The following PER3 variants were observed in gnomAD, a reference collection of about 807,000 sequenced individuals.
PER3 encodes the protein period circadian regulator 3.
PER3 carries 107 observed loss-of-function variants against 127.2 expected under a neutral mutation model. The observed-to-expected ratio is 0.84, with a 90% confidence interval of 0.72 to 0.99. The LOEUF is 0.99. Among genes scored for constraint, PER3 ranks in the 50% least tolerant of loss-of-function variants. The pLI, the probability that PER3 is intolerant of heterozygous loss-of-function variation, is 0.00. For missense variants in PER3, 1,560 were observed against 1,525.8 expected (o/e 1.02, Z -0.37); for synonymous variants, 618 against 585.8 (o/e 1.05, Z -0.79).
intron 16 of PER3, among the ~76,000 whole-genome samples, chr1:7,825,420 TA>T (rs2097296975): frequency 6.6e-6 from 1 of 152,150 alleles, no homozygotes; most frequent in South Asian, 2.1e-4. Flanking sequence ...GCTATGCATA[TA>T]AAATGGAACT....
At chr1:7,810,677 C>T in intron 13 of PER3, 89 bp downstream of exon 13, 8 of 1,279,292 alleles carry the variant, frequency 6.3e-6, no homozygotes, top group Non-Finnish European at 8.6e-6. Context: ...AGCATAAAGT[C>T]ATGACCCTGT....
At chr1:7,790,607 C>T (rs187442635) in intron 5 of PER3, among the ~76,000 whole-genome samples, 3 of 152,298 alleles carry the variant, frequency 2.0e-5, no homozygotes, top group African/African-American at 7.2e-5. Flanking sequence ...TCATGCTTTT[C>T]CAACAGTCCC....
intron 13 of PER3, among the ~76,000 whole-genome samples, chr1:7,816,107 A>C (rs2097250035): frequency 6.6e-6 from 1 of 151,814 alleles, no homozygotes; most frequent in South Asian, 2.1e-4. Context: ...CTGAGTGTTT[A>C]TATGGAAAAA....
chr1:7,806,812 A>AAAT (rs61141023), intron 10 of PER3, among the ~76,000 whole-genome samples: 313 of 60,624 alleles, frequency 5.2e-3, no homozygotes, highest in African/African-American at 0.012. Flanking sequence ...AAAAAAAAAA[A>AAAT]ATATATATAT....
intron 10 of PER3, 116 bp from the exon 11 acceptor site, chr1:7,808,777 T>C: frequency 1.5e-6 from 1 of 660,876 alleles, no homozygotes; most frequent in Non-Finnish European, 2.7e-6. Flanking sequence ...ATTTTTTCTT[T>C]GGAGTCAAAG....
Position 7,810,453 on chromosome 1 carries a change from G to A in PER3, c.1387G>A (p.Val463Ile), listed in dbSNP as rs2097214421. The A allele has an allele frequency of 6.2e-7, 1 of 1,609,772 alleles. No individual in the cohort carries two copies. The highest frequency in any genetic ancestry group is 1.1e-5 in the South Asian group (1 of 90,556). Reference sequence around the variant, plus strand: ...TTTCCCTAAGATGACCTTGCAGCAGGTCTATGCCAGTGTGAACAAAATTAA... The same window carrying A: ...TTTCCCTAAGATGACCTTGCAGCAGATCTATGCCAGTGTGAACAAAATTAA... ...TKAEQMTLQQ[V>I]YASVNKIKNL... The change falls in exon 13 of 22, where the codon GTC becomes ATC. Residue 463 changes from valine (V) to isoleucine (I), a missense_variant. Transcript: ENST00000377532.
In PER3 at chr1:7,826,468, C is replaced by T. The variant is rs2097301945; in HGVS notation, c.1958-12C>T. The stretch of plus-strand genomic sequence containing the variant: ...TAGGAATTAAAATTAAATATGTCTT[C>T]TTCCACCTCAGCCAGGGATGCTACC... On this transcript the variant is annotated splice_polypyrimidine_tract_variant and intron_variant, in intron 16 of 21. Coordinates refer to ENST00000377532, the MANE Select transcript of PER3 (RefSeq NM_001377275.1). This position sits in a 1 kb window ranked among gnomAD's most constrained non-coding sequence, Gnocchi z 4.2. 6.8e-7 allele frequency: 1 copy of T among 1,472,666 alleles called. No individual in the cohort carries two copies. The highest frequency in any genetic ancestry group is 9.5e-7 in the Non-Finnish European group (1 of 1,051,552). 91.2% of individuals were successfully genotyped at this position (1,472,666 alleles called of 1,614,324 possible).
chr1:7,800,963 A>G, intron 7 of PER3, 150 bp from the exon 8 acceptor site: 1 of 616,936 alleles, frequency 1.6e-6, no homozygotes, highest in Non-Finnish European at 2.9e-6. Flanking sequence ...ATTTAACTGT[A>G]GCTTTGGCTG....
chr1:7,787,607 C>T, intron 4 of PER3: 1 of 300,162 alleles, frequency 3.3e-6, no homozygotes, highest in Non-Finnish European at 6.5e-6. Context: ...AAATAAGTTT[C>T]ATTTATGTGT....
Position 7,844,034 on chromosome 1 carries a change from T to G in PER3, c.*1279T>G. 1 of 1,016,110 alleles carries G rather than the reference T, an allele frequency of 9.8e-7. No homozygotes were observed. Among genetic ancestry groups the G allele is most frequent in the Non-Finnish European group, 1.2e-6 (1 of 805,646 alleles). The allele number at this position is 1,016,110 out of a possible 1,614,324, so 62.9% of individuals were successfully genotyped here. A position where few individuals can be genotyped will look rare whatever the true frequency, so the allele number is the denominator to read the frequency against. ...ATATAACTTGCAACAAACTAATTTATTTTTTTTTCCTTTTTTTGTTTTTGG... is the reference window on the plus strand; with the variant it reads ...ATATAACTTGCAACAAACTAATTTAGTTTTTTTTCCTTTTTTTGTTTTTGG... On this transcript the variant is annotated 3_prime_UTR_variant, in exon 22 of 22. Coordinates refer to ENST00000377532, the MANE Select transcript of PER3 (RefSeq NM_001377275.1).
intron 19 of PER3, among the ~76,000 whole-genome samples, chr1:7,832,776 T>C (rs573656761): frequency 6.6e-6 from 1 of 151,790 alleles, no homozygotes; most frequent in African/African-American, 2.4e-5. Context: ...TGAATTGAGA[T>C]TTTTCCCCCC....
intron 15 of PER3, 106 bp downstream of exon 15, chr1:7,820,345 AT>A: frequency 7.0e-7 from 1 of 1,419,378 alleles, no homozygotes; most frequent in South Asian, 1.4e-5. Context: ...CTGGTTTCAT[AT>A]TACCTCTTTA....
chr1:7,796,788 T>C (rs1273641125), intron 6 of PER3, among the ~76,000 whole-genome samples: 1 of 152,218 alleles, frequency 6.6e-6, no homozygotes. Flanking sequence ...TTTTTTACAC[T>C]TGATCTTAGC....
intron 16 of PER3, among the ~76,000 whole-genome samples, chr1:7,824,405 G>GT (rs2097291880): frequency 6.6e-6 from 1 of 152,162 alleles, no homozygotes; most frequent in Admixed American, 6.5e-5. Flanking sequence ...TAGCTGTACA[G>GT]TAAGTCTTGA....
At chr1:7,807,540 A>G (rs1230756716) in intron 10 of PER3, among the ~76,000 whole-genome samples, 1 of 152,192 alleles carries the variant, frequency 6.6e-6, no homozygotes, top group Middle Eastern at 3.2e-3. Flanking sequence ...AGGACAGCCC[A>G]GGCTTGGGGG....
chr1:7,820,315 ATTG>A, intron 15 of PER3, 76 bp downstream of exon 15: 8 of 1,507,256 alleles, frequency 5.3e-6, no homozygotes, highest in Non-Finnish European at 7.3e-6. Context: ...AATGTCTTAT[ATTG>A]TTATAAGCAT....
intron 4 of PER3, chr1:7,787,689 T>G (rs536861556): frequency 6.0e-6 from 2 of 336,030 alleles, no homozygotes; most frequent in African/African-American, 4.3e-5. Flanking sequence ...AGAAGGTGAA[T>G]CTTCAGTGTG....
rs140489614 is a variant in PER3 at position 7,827,809 on chromosome 1, T to G, written c.2880T>G (p.Thr960=). The G allele has an allele frequency of 4.5e-5, 73 of 1,607,630 alleles. 1 individual carries two copies. Among genetic ancestry groups the G allele is most frequent in the Non-Finnish European group, 5.6e-5 (66 of 1,175,598 alleles). The change falls in exon 18 of 22, where the codon ACT becomes ACG. Residue 960 remains threonine (T), a synonymous_variant. Coordinates refer to ENST00000377532, the MANE Select transcript of PER3 (RefSeq NM_001377275.1). ...TGAGAAGGAACACGTGCCCACAAACTGAGTATGTAAGTGATGCTCATTTTC... is the reference window on the plus strand; with the variant it reads ...TGAGAAGGAACACGTGCCCACAAACGGAGTATGTAAGTGATGCTCATTTTC... ...DQMRRNTCPQ[T]EYQCVTGNNG...
chr1:7,841,196 C>G (rs1429064663), intron 21 of PER3, among the ~76,000 whole-genome samples: 4 of 152,002 alleles, frequency 2.6e-5, no homozygotes, highest in African/African-American at 9.7e-5. Flanking sequence ...GGGCCACATT[C>G]AAAGCCATCC....
Sources: gnomAD v4.1 joint callset for allele counts (sites outside exome capture counted in the v4.1 genomes callset) on GRCh38, gnomAD v4.1.1 for gene constraint, Gnocchi (gnomAD v3.1) non-coding constraint, MANE v1.5 for transcripts, NCBI Gene and HGNC (gene_info 2026-07-23, HGNC 2026-07-21) for gene names.